Variants in ADGRV1 observed in about 807,000 individuals in gnomAD.
ADGRV1 encodes the protein G-protein coupled receptor 98.
In ADGRV1, 359 loss-of-function variants were observed where a neutral mutation model predicts 596.2. The observed-to-expected ratio is 0.60, with a 90% CI of 0.55 to 0.66. The LOEUF is 0.66. ADGRV1 is among the 30% of genes least tolerant of loss of function. The pLI is 0.00. For missense variants in ADGRV1, 7,274 were observed against 7,575.6 expected (o/e 0.96, Z 1.48); for synonymous variants, 2,681 against 2,679.2 (o/e 1.00, Z -0.02).
In ADGRV1 at chr5:90,629,132, A is replaced by T. The variant is rs967011506; in HGVS notation, c.1510-78A>T. On this transcript the variant is annotated intron_variant, in intron 8 of 89. Coordinates refer to ENST00000405460, the MANE Select transcript of ADGRV1 (RefSeq NM_032119.4). ...AAATATTAATAAATATTAAAATTAG[A>T]ATAACATGGAAAATACAGAGTTTGA... 6.7e-6 allele frequency: 5 copies of T among 745,580 alleles called. No homozygotes were observed. The African/African-American group carries it at 9.1e-5, about 14-fold the overall frequency. 46.2% of individuals were successfully genotyped at this position (745,580 alleles called of 1,614,324 possible). A position where few individuals can be genotyped will look rare whatever the true frequency, so the allele number is the denominator to read the frequency against.
At chr5:90,934,956 C>T (rs1380115684) in intron 83 of ADGRV1, among the ~76,000 whole-genome samples, 4 of 152,176 alleles carry the variant, frequency 2.6e-5, no homozygotes, top group Admixed American at 2.6e-4. Flanking sequence ...ACCTTCATAA[C>T]TTCATCCAAC....
intron 32 of ADGRV1, among the ~76,000 whole-genome samples, chr5:90,693,501 G>T (rs902598256): frequency 6.6e-6 from 1 of 151,744 alleles, no homozygotes; most frequent in South Asian, 2.1e-4. Context: ...ATCCACAGAT[G>T]TAGAACCTGT....
chr5:90,580,929 T>A (rs1407027791), intron 1 of ADGRV1, among the ~76,000 whole-genome samples: 1 of 152,164 alleles, frequency 6.6e-6, no homozygotes, highest in Non-Finnish European at 1.5e-5. Flanking sequence ...AGTCCCATAT[T>A]TTTTGAAGGC....
intron 88 of ADGRV1, among the ~76,000 whole-genome samples, chr5:91,152,591 G>A (rs1479903984): frequency 6.6e-6 from 1 of 152,156 alleles, no homozygotes; most frequent in Non-Finnish European, 1.5e-5. Flanking sequence ...AGATTAAATT[G>A]TCTCAGGGAG....
intron 83 of ADGRV1, among the ~76,000 whole-genome samples, chr5:90,907,223 AT>A (rs1316585424): frequency 2.6e-5 from 4 of 152,204 alleles, no homozygotes; most frequent in Admixed American, 6.5e-5. Context: ...CAAATGACTT[AT>A]AAAAAACAAA....
At chr5:90,646,191 T>A in intron 16 of ADGRV1, 100 bp downstream of exon 16, 1 of 533,526 alleles carries the variant, frequency 1.9e-6, no homozygotes, top group Non-Finnish European at 2.7e-6. Context: ...TGCACGTGCG[T>A]ATATACATTT....
intron 43 of ADGRV1, among the ~76,000 whole-genome samples, chr5:90,719,132 C>A (rs1024319225): frequency 1.3e-5 from 2 of 151,994 alleles, no homozygotes; most frequent in Non-Finnish European, 2.9e-5. Context: ...GAGTTCGAGA[C>A]CAGCCTGGCC....
chr5:90,611,201 T>C (rs1163829847), intron 1 of ADGRV1, among the ~76,000 whole-genome samples: 1 of 151,972 alleles, frequency 6.6e-6, no homozygotes, highest in Admixed American at 6.6e-5. Flanking sequence ...CATTTTACAT[T>C]GTAAGAGCTG....
chr5:90,617,682 C>G lies in ADGRV1; in HGVS notation c.208-122C>G, dbSNP rs894628470. ...TTTATGATTTTTGTTTTTGTACACC[C>G]TATCTATAAACATAAATGTCACTTG... On this transcript the variant is annotated intron_variant, in intron 2 of 89. Transcript: ENST00000405460. The G allele has an allele frequency of 1.5e-5, 11 of 754,510 alleles. No homozygotes were observed. The South Asian group carries it at 2.6e-4, about 18-fold the overall frequency. 46.7% of individuals were successfully genotyped at this position (754,510 alleles called of 1,614,324 possible). A position where few individuals can be genotyped will look rare whatever the true frequency, so the allele number is the denominator to read the frequency against.
rs1367318975 is a variant in ADGRV1, at chr5:90,642,691, A to G, written c.2296A>G (p.Ile766Val). 2 of 1,613,646 alleles carry G rather than the reference A, an allele frequency of 1.2e-6. No individual in the cohort carries two copies. The highest frequency in any genetic ancestry group is 3.3e-5 in the Admixed American group (2 of 60,004). Reference sequence around the variant, plus strand: ...TGGATATACTAGCCGTGACCTAATTATTTTGGAAAATGATGACCCTGGGGG... The same window carrying G: ...TGGATATACTAGCCGTGACCTAATTGTTTTGGAAAATGATGACCCTGGGGG... ...KSGYTSRDLI[I>V]LENDDPGGVF... Residue 766 changes from isoleucine to valine, a missense_variant, in exon 12 of 90, where the codon ATT becomes GTT. Physicochemically the swap from Ile to Val is conservative, Grantham distance 29. Transcript: ENST00000405460.
intron 11 of ADGRV1, among the ~76,000 whole-genome samples, chr5:90,638,539 G>T (rs1024917316): frequency 8.8e-5 from 13 of 148,530 alleles, no homozygotes; most frequent in Admixed American, 2.7e-4. Flanking sequence ...CTCTCAAAGA[G>T]TTTTTTTTTT....
chr5:90,940,266 C>T (rs1776061542), intron 83 of ADGRV1, among the ~76,000 whole-genome samples: 1 of 152,154 alleles, frequency 6.6e-6, no homozygotes, highest in Admixed American at 6.5e-5. Context: ...TTGTGAAATA[C>T]AAGAGCACAC....
At chr5:91,139,454 C>A (rs1794920726) in intron 87 of ADGRV1, among the ~76,000 whole-genome samples, 1 of 152,168 alleles carries the variant, frequency 6.6e-6, no homozygotes, top group Admixed American at 6.5e-5. Context: ...TAAGGCATCT[C>A]ATTTGCAGGA....
At chr5:90,995,946 A>T (rs1245649088) in intron 85 of ADGRV1, among the ~76,000 whole-genome samples, 1 of 152,168 alleles carries the variant, frequency 6.6e-6, no homozygotes, top group African/African-American at 2.4e-5. Flanking sequence ...AAGCAGCAGA[A>T]TGTTCAAGAT....
chr5:91,004,310 A>G (rs1782091195), intron 85 of ADGRV1, among the ~76,000 whole-genome samples: 1 of 152,146 alleles, frequency 6.6e-6, no homozygotes, highest in South Asian at 2.1e-4. Context: ...ACAGTTTCGT[A>G]ATGGAAAACA....
chr5:90,796,150 T>C (rs921311908), intron 70 of ADGRV1, among the ~76,000 whole-genome samples: 1 of 152,078 alleles, frequency 6.6e-6, no homozygotes, highest in African/African-American at 2.4e-5. Flanking sequence ...AGAAGTAAGC[T>C]TCAGAAGGTG....
chr5:90,620,710 C>T (rs1443011583), intron 4 of ADGRV1, among the ~76,000 whole-genome samples: 1 of 152,096 alleles, frequency 6.6e-6, no homozygotes, highest in Non-Finnish European at 1.5e-5. Flanking sequence ...AGGTTTTCTT[C>T]TAGGGTTTTT....
chr5:91,012,760 A>T (rs1160181623), intron 85 of ADGRV1, among the ~76,000 whole-genome samples: 1 of 152,000 alleles, frequency 6.6e-6, no homozygotes, highest in African/African-American at 2.4e-5. Context: ...TCAGGGGTAC[A>T]TGTGAAGGTT....
intron 72 of ADGRV1, among the ~76,000 whole-genome samples, chr5:90,806,973 C>G (rs1761959973): frequency 6.6e-6 from 1 of 152,098 alleles, no homozygotes; most frequent in South Asian, 2.1e-4. Context: ...CTGCCTCAGC[C>G]TCCTGAGTAG....
Sources: gnomAD v4.1 joint callset for allele counts (sites outside exome capture counted in the v4.1 genomes callset) on GRCh38, gnomAD v4.1.1 for gene constraint, MANE v1.5 for transcripts, NCBI Gene and HGNC (gene_info 2026-07-23, HGNC 2026-07-21) for gene names.